NDUFAF5: variants seen among roughly 807,000 people sequenced by gnomAD.
NDUFAF5 encodes the protein arginine-hydroxylase NDUFAF5, mitochondrial.
NDUFAF5 carries 34 observed loss-of-function variants against 48.9 expected under a neutral mutation model. The observed-to-expected ratio is 0.70, with a 90% CI of 0.53 to 0.93. The LOEUF (loss-of-function observed/expected upper bound fraction) is 0.93. Among genes scored for constraint, NDUFAF5 ranks in the 40% least tolerant of loss-of-function variants. The pLI, the probability that NDUFAF5 is intolerant of heterozygous loss-of-function variation, is 0.00. For synonymous variants in NDUFAF5, 153 were observed against 150.6 expected (o/e 1.02, Z -0.12); for missense variants, 428 against 427.5 (o/e 1.00, Z -0.01).
At chr20:13,791,442 C>T (rs1982265318) in intron 3 of NDUFAF5, among the ~76,000 whole-genome samples, 1 of 152,096 alleles carries the variant, frequency 6.6e-6, no homozygotes, top group Non-Finnish European at 1.5e-5. Flanking sequence ...TTTGGAAGTC[C>T]CTTTCAGAAG....
chr20:13,809,802 A>G (rs1985601133), intron 8 of NDUFAF5, among the ~76,000 whole-genome samples: 1 of 152,196 alleles, frequency 6.6e-6, no homozygotes, highest in Non-Finnish European at 1.5e-5. Flanking sequence ...GATGAAGAGA[A>G]GCAGATTCAT....
At chr20:13,810,448 G>T (rs889071075) in intron 8 of NDUFAF5, among the ~76,000 whole-genome samples, 4 of 152,184 alleles carry the variant, frequency 2.6e-5, no homozygotes, top group African/African-American at 9.6e-5. Context: ...GTTAGAGTGA[G>T]GAGAGTAGAA....
At chr20:13,812,783 C>CT (rs1222423526) in intron 8 of NDUFAF5, among the ~76,000 whole-genome samples, 2 of 152,168 alleles carry the variant, frequency 1.3e-5, no homozygotes, top group Non-Finnish European at 2.9e-5. Flanking sequence ...GTATGTGATT[C>CT]TTTAAATTCA....
Position 13,818,446 on chromosome 20 carries a change from T to TG in NDUFAF5, c.*1236_*1237insG, listed in dbSNP as rs1316967578. ...ATTTGGCGTTTTGTTTTTTGGGGTT[T>TG]TTTTTTTTTTTAGCTTAATTTTCAG... is the stretch of plus-strand genomic sequence containing the variant. On this transcript the variant is annotated 3_prime_UTR_variant, in exon 11 of 11. Coordinates refer to ENST00000378106, the MANE Select transcript of NDUFAF5 (RefSeq NM_024120.5). 3.1e-6 allele frequency: 1 copy of TG among 327,298 alleles called. No individual in the cohort carries two copies. Among genetic ancestry groups the TG allele is most frequent in the African/African-American group, 2.2e-5 (1 of 45,548 alleles). The allele number at this position is 327,298 out of a possible 1,614,324, so 20.3% of individuals were successfully genotyped here. A position where few individuals can be genotyped will look rare whatever the true frequency, so the allele number is the denominator to read the frequency against.
chr20:13,790,426 T>C (rs1266574366), intron 3 of NDUFAF5, among the ~76,000 whole-genome samples: 5 of 152,340 alleles, frequency 3.3e-5, no homozygotes, highest in East Asian at 3.9e-4. Context: ...TTTCAAAATA[T>C]AACCAAACTC....
intron 7 of NDUFAF5, among the ~76,000 whole-genome samples, chr20:13,808,209 G>T (rs192460659): frequency 6.6e-5 from 10 of 152,270 alleles, no homozygotes; most frequent in African/African-American, 2.2e-4. Flanking sequence ...AAAGAAATAT[G>T]TGTTTGAGAT....
chr20:13,791,191 T>C (rs1982223027), intron 3 of NDUFAF5, among the ~76,000 whole-genome samples: 1 of 152,196 alleles, frequency 6.6e-6, no homozygotes, highest in Non-Finnish European at 1.5e-5. Context: ...GTAGTATAAA[T>C]AGCTGGCAGG....
rs1986896715 is a variant in NDUFAF5 at position 13,820,322 on chromosome 20, AT to A, written c.*3113del. 1.3e-5 allele frequency: 2 copies of A among 152,184 alleles called. No individual in the cohort carries two copies. Among genetic ancestry groups the A allele is most frequent in the Admixed American group, 1.3e-4 (2 of 15,272 alleles). The allele number at this position is 152,184 out of a possible 1,614,324, so 9.4% of individuals were successfully genotyped here. ...TGAAGTACCTGTGAGGGAAGTTTAT[AT>A]ATTTTTTCAAACTCTTTTAGTACCA... On this transcript the variant is annotated 3_prime_UTR_variant, in exon 11 of 11. Coordinates refer to ENST00000378106, the MANE Select transcript of NDUFAF5 (RefSeq NM_024120.5).
chr20:13,793,342 A>T (rs575962282), intron 4 of NDUFAF5, 115 bp downstream of exon 4: 1 of 930,218 alleles, frequency 1.1e-6, no homozygotes, highest in East Asian at 2.6e-5. Context: ...ATGAAAAGGA[A>T]CTCATACAGG....
intron 7 of NDUFAF5, among the ~76,000 whole-genome samples, chr20:13,803,801 G>T (rs111808836): frequency 3.5e-4 from 52 of 149,928 alleles, no homozygotes; most frequent in Middle Eastern, 3.4e-3. Context: ...TTTTTTTTTG[G>T]GGGGGGGACA....
At chr20:13,816,978 C>G in intron 10 of NDUFAF5, 21 bp downstream of exon 10, 2 of 1,568,510 alleles carry the variant, frequency 1.3e-6, no homozygotes, top group Non-Finnish European at 1.8e-6. Context: ...TAAGATGGAT[C>G]ACTTTTCTTA....
At chr20:13,788,775 TTG>T in intron 3 of NDUFAF5, 123 bp downstream of exon 3, 1 of 679,274 alleles carries the variant, frequency 1.5e-6, no homozygotes, top group Non-Finnish European at 2.5e-6. Flanking sequence ...AATTGTTAAT[TTG>T]TTTTTTTTTT....
chr20:13,795,368 A>G (rs1426155902), intron 5 of NDUFAF5, among the ~76,000 whole-genome samples: 1 of 152,200 alleles, frequency 6.6e-6, no homozygotes, highest in South Asian at 2.1e-4. Flanking sequence ...GTTGGGGGAA[A>G]AAAAAGTTGA....
At chr20:13,801,837 A>G (rs918176560) in intron 7 of NDUFAF5, 154 bp downstream of exon 7, 19 of 651,958 alleles carry the variant, frequency 2.9e-5, no homozygotes, top group East Asian at 2.2e-4. Context: ...CTGATTGACA[A>G]TGTTTAGTTT....
chr20:13,813,301 C>T (rs1168598735), intron 8 of NDUFAF5, among the ~76,000 whole-genome samples: 1 of 152,134 alleles, frequency 6.6e-6, no homozygotes, highest in African/African-American at 2.4e-5. Flanking sequence ...CAGATGCTTT[C>T]GTAATGCTGC....
At chr20:13,807,710 G>A (rs1262938333) in intron 7 of NDUFAF5, among the ~76,000 whole-genome samples, 1 of 151,916 alleles carries the variant, frequency 6.6e-6, no homozygotes, top group African/African-American at 2.4e-5. Context: ...TTGGGAGGCT[G>A]AGGCTGGTGG....
chr20:13,808,820 A>C (rs764960214), intron 7 of NDUFAF5, 22 bp from the exon 8 acceptor site: 1 of 1,478,992 alleles, frequency 6.8e-7, no homozygotes, highest in East Asian at 2.3e-5. Context: ...TCAAATGAAT[A>C]TTTCTTTTTC....
intron 9 of NDUFAF5, 70 bp downstream of exon 9, chr20:13,816,616 G>A (rs6079183): frequency 1.0e-5 from 13 of 1,241,934 alleles, no homozygotes; most frequent in East Asian, 4.7e-5. Flanking sequence ...TTCCCTTCAC[G>A]TTGCCAATGC....
intron 6 of NDUFAF5, 150 bp from the exon 7 acceptor site, chr20:13,801,336 A>T: frequency 2.1e-6 from 1 of 487,548 alleles, no homozygotes. Flanking sequence ...AGTTGGTTGC[A>T]TTAGATGTTA....
Sources: allele counts gnomAD v4.1 joint callset (sites outside exome capture counted in the v4.1 genomes callset), GRCh38; gene constraint gnomAD v4.1.1; transcripts MANE v1.5; gene names NCBI Gene and HGNC (gene_info 2026-07-23, HGNC 2026-07-21).